Variants in RBFOX1 observed in about 807,000 individuals in gnomAD.
RBFOX1 encodes the protein RNA binding protein fox-1 homolog 1.
A neutral mutation model predicts 57.7 loss-of-function variants in RBFOX1; 8 were observed. The ratio of observed to expected loss-of-function variants is 0.14; its 90% confidence interval spans 0.08 to 0.25. The LOEUF is 0.25. RBFOX1 is among the 10% of genes least tolerant of loss of function. RBFOX1 has a pLI of 1.00. For synonymous variants in RBFOX1, 326 were observed against 222.4 expected, an observed-to-expected ratio of 1.47 and a Z score of -4.15; for missense variants, 611 against 548.5, an observed-to-expected ratio of 1.11 and a Z score of -1.14.
intron 2 of RBFOX1, among the ~76,000 whole-genome samples, chr16:6,544,774 T>C (rs190817636): frequency 7.9e-5 from 12 of 152,292 alleles, no homozygotes; most frequent in Admixed American, 1.3e-4. Context: ...CTCAAAGATA[T>C]TGTGAAAATT....
intron 3 of RBFOX1, among the ~76,000 whole-genome samples, chr16:5,726,260 C>G (rs554253789): frequency 2.0e-5 from 3 of 151,740 alleles, no homozygotes; most frequent in Admixed American, 6.6e-5. Flanking sequence ...TTTATGGGAC[C>G]GTTGTCTCCC....
intron 2 of RBFOX1, among the ~76,000 whole-genome samples, chr16:6,533,214 G>C (rs2096684841): frequency 6.6e-6 from 1 of 152,220 alleles, no homozygotes; most frequent in Non-Finnish European, 1.5e-5. Context: ...ATCAACTATA[G>C]TGATACAGGA....
intron 2 of RBFOX1, among the ~76,000 whole-genome samples, chr16:6,556,690 T>C (rs74005285): frequency 6.6e-6 from 1 of 152,096 alleles, no homozygotes; most frequent in East Asian, 1.9e-4. Flanking sequence ...TCACATGATA[T>C]AGAGAATTAA....
chr16:5,892,505 G>A (rs950394346), intron 4 of RBFOX1, among the ~76,000 whole-genome samples: 4 of 152,180 alleles, frequency 2.6e-5, no homozygotes, highest in Admixed American at 1.3e-4. Context: ...TGTAGTAAGA[G>A]TGGTGATGAT....
chr16:7,556,328 CCCT>C (rs768090368), intron 5 of RBFOX1, among the ~76,000 whole-genome samples: 6 of 152,130 alleles, frequency 3.9e-5, no homozygotes, highest in Non-Finnish European at 8.8e-5. Flanking sequence ...TGCATGCTTC[CCCT>C]CCATTTCATT....
intron 4 of RBFOX1, among the ~76,000 whole-genome samples, chr16:5,882,800 A>G (rs950682088): frequency 2.6e-5 from 4 of 152,284 alleles, no homozygotes; most frequent in Admixed American, 2.0e-4. Context: ...AATGTGAAAA[A>G]TCTCATGCTG....
intron 3 of RBFOX1, among the ~76,000 whole-genome samples, chr16:6,986,204 A>ATTTATTTATTTATTTG (rs1568233094): frequency 2.0e-5 from 3 of 150,514 alleles, no homozygotes; most frequent in African/African-American, 7.3e-5. Flanking sequence ...TTATTTATTT[A>ATTTATTTATTTATTTG]TTTATTTATT....
At chr16:7,388,802 T>A (rs916947827) in intron 4 of RBFOX1, among the ~76,000 whole-genome samples, 10 of 152,124 alleles carry the variant, frequency 6.6e-5, no homozygotes, top group African/African-American at 2.2e-4. Flanking sequence ...TAGGCTAATA[T>A]AAGTGTTTTG....
At chr16:6,780,167 ATT>A (rs1194345792) in intron 3 of RBFOX1, among the ~76,000 whole-genome samples, 1 of 38,014 alleles carries the variant, frequency 2.6e-5, no homozygotes, top group African/African-American at 2.5e-4. Context: ...ATATTTATAT[ATT>A]TTTATATATT....
chr16:5,519,753 A>C (rs569535710), intron 2 of RBFOX1, among the ~76,000 whole-genome samples: 2 of 151,990 alleles, frequency 1.3e-5, no homozygotes, highest in Non-Finnish European at 2.9e-5. Context: ...AATACTCTAG[A>C]CCTGTTATTT....
At chr16:7,634,144 C>T (rs549002490) in intron 11 of RBFOX1, among the ~76,000 whole-genome samples, 1 of 152,302 alleles carries the variant, frequency 6.6e-6, no homozygotes, top group South Asian at 2.1e-4. Flanking sequence ...CCAACCATTG[C>T]CCTCAAAGCT....
At chr16:7,070,227 A>G (rs1440398778) in intron 4 of RBFOX1, among the ~76,000 whole-genome samples, 3 of 152,202 alleles carry the variant, frequency 2.0e-5, no homozygotes, top group African/African-American at 4.8e-5. Flanking sequence ...TCTTGCTCAC[A>G]TATGAGGAGA....
chr16:7,671,240 G>C (rs1234584372), intron 13 of RBFOX1, among the ~76,000 whole-genome samples: 1 of 152,112 alleles, frequency 6.6e-6, no homozygotes, highest in Non-Finnish European at 1.5e-5. Flanking sequence ...TAGTTAATTT[G>C]GACTGTTGGA....
At chr16:7,651,692 C>G (rs1838458030) in intron 11 of RBFOX1, among the ~76,000 whole-genome samples, 1 of 152,166 alleles carries the variant, frequency 6.6e-6, no homozygotes, top group South Asian at 2.1e-4. Flanking sequence ...AACTACAACC[C>G]CTGCCCCTTG....
chr16:6,305,564 C>G (rs190841893), intron 1 of RBFOX1, among the ~76,000 whole-genome samples: 6 of 151,636 alleles, frequency 4.0e-5, no homozygotes, highest in Admixed American at 3.9e-4. Context: ...TTACCTGTGT[C>G]TCAAGGCCCT....
At chr16:6,215,209 GGA>G (rs1164141977) in intron 1 of RBFOX1, among the ~76,000 whole-genome samples, 2 of 128,688 alleles carry the variant, frequency 1.6e-5, no homozygotes, top group African/African-American at 3.0e-5. Flanking sequence ...ATAAGGAGAG[GGA>G]GAGGGGGAGA....
rs114726809 is a variant in RBFOX1, at chr16:6,277,498, A to G, written c.-126-39497A>G. 1.3e-3 allele frequency among the ~76,000 whole-genome samples: 184 copies of G among 146,938 alleles called. 1 individual carries two copies. The highest frequency in any genetic ancestry group is 4.5e-3 in the African/African-American group (178 of 39,564). On this transcript the variant is annotated intron_variant, in intron 1 of 15. Transcript: ENST00000550418. ...AAAAAACCTCAATTTTTATCAGGAC[A>G]CAGAGGCTCACACCTTTTATCTCAG... is the stretch of plus-strand genomic sequence containing the variant.
At chr16:5,886,440 G>A (rs1030734195) in intron 4 of RBFOX1, among the ~76,000 whole-genome samples, 1 of 152,142 alleles carries the variant, frequency 6.6e-6, no homozygotes, top group Admixed American at 6.5e-5. Flanking sequence ...AATAACTTTG[G>A]CGTATGAATT....
chr16:5,536,191 A>C (rs1296981718), intron 2 of RBFOX1, among the ~76,000 whole-genome samples: 1 of 149,154 alleles, frequency 6.7e-6, no homozygotes, highest in African/African-American at 2.5e-5. Context: ...TGAAAACACA[A>C]AGCTGCTCTT....
Sources: allele counts gnomAD v4.1 joint callset (sites outside exome capture counted in the v4.1 genomes callset), GRCh38; gene constraint gnomAD v4.1.1; transcripts MANE v1.5; gene names NCBI Gene and HGNC (gene_info 2026-07-23, HGNC 2026-07-21).